Variants in B3GLCT observed in about 807,000 individuals in gnomAD.
B3GLCT encodes the protein beta-1,3-glucosyltransferase.
A neutral mutation model predicts 63.4 loss-of-function variants in B3GLCT; 65 were observed. The ratio of observed to expected loss-of-function variants is 1.03; its 90% CI spans 0.84 to 1.26. The LOEUF is 1.26. B3GLCT is among the 50% of genes most tolerant of loss of function. The probability of loss-of-function intolerance (pLI) is 0.00; values close to 1 mark genes in which losing one functional copy is unlikely to be tolerated. For missense variants in B3GLCT, 577 were observed against 604.8 expected (o/e 0.95, Z 0.48); for synonymous variants, 233 against 219.2 (o/e 1.06, Z -0.55).
chr13:31,216,329 C>G (rs141168593), intron 2 of B3GLCT, among the ~76,000 whole-genome samples: 1 of 152,208 alleles, frequency 6.6e-6, no homozygotes, highest in African/African-American at 2.4e-5. Flanking sequence ...CCATTTACAA[C>G]AGAGAAAACT....
chr13:31,223,107 A>G (rs995247611), intron 3 of B3GLCT, 116 bp downstream of exon 3: 10 of 750,738 alleles, frequency 1.3e-5, no homozygotes, highest in African/African-American at 1.0e-4. Flanking sequence ...TTGTTGTTCA[A>G]ATATTCTGTC....
chr13:31,223,892 TG>T (rs1869958369), intron 3 of B3GLCT, among the ~76,000 whole-genome samples: 1 of 152,152 alleles, frequency 6.6e-6, no homozygotes, highest in Admixed American at 6.5e-5. Flanking sequence ...AGTTTCATGA[TG>T]GATAAGCCTG....
At chr13:31,308,536 T>A (rs907885534) in intron 12 of B3GLCT, among the ~76,000 whole-genome samples, 1 of 151,814 alleles carries the variant, frequency 6.6e-6, no homozygotes, top group African/African-American at 2.4e-5. Flanking sequence ...AGGAATAACC[T>A]CCTGTGTGTC....
At chr13:31,237,302 G>T (rs1870701944) in intron 4 of B3GLCT, among the ~76,000 whole-genome samples, 2 of 150,350 alleles carry the variant, frequency 1.3e-5, no homozygotes, top group Non-Finnish European at 3.0e-5. Flanking sequence ...GGGAGGCAAA[G>T]TCACTTTAAA....
Position 31,200,156 on chromosome 13 carries a change from T to A in B3GLCT, c.70+2T>A. ...TCGCGCTCCTCACCTGCTCCCTGGGTAAGTAGCGGGCGGCCAGGCGCGCAA... is the reference window on the plus strand; with the variant it reads ...TCGCGCTCCTCACCTGCTCCCTGGGAAAGTAGCGGGCGGCCAGGCGCGCAA... On this transcript the variant is annotated splice_donor_variant, in intron 1 of 14. Transcript: ENST00000343307. LOFTEE classifies it high-confidence loss of function. 7.5e-7 allele frequency: 1 copy of A among 1,333,122 alleles called. No homozygotes were observed. The highest frequency in any genetic ancestry group is 1.5e-5 in the South Asian group (1 of 64,966). The allele number at this position is 1,333,122 out of a possible 1,614,324, so 82.6% of individuals were successfully genotyped here.
chr13:31,325,197 T>A (rs1028547522), intron 14 of B3GLCT, among the ~76,000 whole-genome samples: 4 of 152,238 alleles, frequency 2.6e-5, no homozygotes, highest in Non-Finnish European at 4.4e-5. Flanking sequence ...ACCTTTAATA[T>A]AAGGAAATGT....
chr13:31,273,013 C>T (rs930031862), intron 8 of B3GLCT, among the ~76,000 whole-genome samples: 2 of 152,118 alleles, frequency 1.3e-5, no homozygotes, highest in Non-Finnish European at 2.9e-5. Context: ...TTGAAGCATG[C>T]TTACATCATG....
intron 12 of B3GLCT, among the ~76,000 whole-genome samples, chr13:31,290,937 T>A (rs1384448372): frequency 6.6e-6 from 1 of 152,232 alleles, no homozygotes; most frequent in Non-Finnish European, 1.5e-5. Context: ...TCTTTGCCCA[T>A]GCCTATGTCC....
At chr13:31,321,862 G>A (rs758262668) in intron 13 of B3GLCT, among the ~76,000 whole-genome samples, 2 of 151,980 alleles carry the variant, frequency 1.3e-5, no homozygotes, top group Non-Finnish European at 2.9e-5. Flanking sequence ...ATTTCAACAG[G>A]CTTTTGAGGG....
intron 14 of B3GLCT, among the ~76,000 whole-genome samples, chr13:31,327,815 G>C (rs1875710480): frequency 6.6e-6 from 1 of 152,120 alleles, no homozygotes; most frequent in African/African-American, 2.4e-5. Context: ...ATTCCTTTTA[G>C]ATTTTTAACT....
At chr13:31,249,045 C>A (rs1871313641) in intron 6 of B3GLCT, among the ~76,000 whole-genome samples, 1 of 152,134 alleles carries the variant, frequency 6.6e-6, no homozygotes, top group Non-Finnish European at 1.5e-5. Context: ...CCAGTGGAAA[C>A]CTGTCCCACC....
chr13:31,240,915 G>A (rs1870909991), intron 4 of B3GLCT, among the ~76,000 whole-genome samples: 1 of 152,178 alleles, frequency 6.6e-6, no homozygotes, highest in Non-Finnish European at 1.5e-5. Flanking sequence ...TGGATAGGAT[G>A]CTCCAGGAGA....
intron 2 of B3GLCT, among the ~76,000 whole-genome samples, chr13:31,215,627 T>C (rs1869521379): frequency 6.6e-6 from 1 of 152,178 alleles, no homozygotes; most frequent in South Asian, 2.1e-4. Flanking sequence ...TTGCCCAGGC[T>C]GATCTCAAAT....
At chr13:31,263,699 G>C (rs529645745) in intron 7 of B3GLCT, among the ~76,000 whole-genome samples, 1 of 152,328 alleles carries the variant, frequency 6.6e-6, no homozygotes, top group Admixed American at 6.5e-5. Context: ...TTGCAAGGTA[G>C]TCCCACAGGA....
chr13:31,211,034 C>T (rs892370542), intron 1 of B3GLCT, among the ~76,000 whole-genome samples: 12 of 152,168 alleles, frequency 7.9e-5, no homozygotes, highest in Non-Finnish European at 8.8e-5. Flanking sequence ...CGTGCCACCA[C>T]GTCCGGCCAC....
At chr13:31,282,506 G>A (rs1041980175) in intron 10 of B3GLCT, among the ~76,000 whole-genome samples, 10 of 152,084 alleles carry the variant, frequency 6.6e-5, no homozygotes, top group Admixed American at 2.0e-4. Flanking sequence ...GCCGGGCGTG[G>A]TGGCGGGCGC....
chr13:31,317,977 G>GAA lies in B3GLCT; in HGVS notation c.1184+301_1184+302dup, dbSNP rs71699160. ...CTAGTTTTGATTGTCTATTTAAATGGAAAAAAAAAATTGGTTATAGATTTT... is the reference window on the plus strand; with the variant it reads ...CTAGTTTTGATTGTCTATTTAAATGGAAAAAAAAAAAATTGGTTATAGATTTT... On this transcript the variant is annotated intron_variant, in intron 13 of 14. Coordinates refer to ENST00000343307, the MANE Select transcript of B3GLCT (RefSeq NM_194318.4). 2.9e-4 allele frequency among the ~76,000 whole-genome samples: 43 copies of GAA among 146,494 alleles called. 1 individual carries two copies. Among genetic ancestry groups the GAA allele is most frequent in the Admixed American group, 1.8e-3 (26 of 14,614 alleles).
At chr13:31,236,739 A>G (rs1593263958) in intron 4 of B3GLCT, among the ~76,000 whole-genome samples, 1 of 152,222 alleles carries the variant, frequency 6.6e-6, no homozygotes, top group East Asian at 1.9e-4. Flanking sequence ...GTTTGCAATT[A>G]TACTTGATTC....
chr13:31,261,129 CA>C, intron 7 of B3GLCT, 47 bp downstream of exon 7: 1 of 1,572,516 alleles, frequency 6.4e-7, no homozygotes, highest in Non-Finnish European at 8.7e-7. Flanking sequence ...GGGTGTGCAT[CA>C]ACTTTAATTT....
Sources: gnomAD v4.1 joint callset for allele counts (sites outside exome capture counted in the v4.1 genomes callset) on GRCh38, gnomAD v4.1.1 for gene constraint, MANE v1.5 for transcripts, NCBI Gene and HGNC (gene_info 2026-07-23, HGNC 2026-07-21) for gene names.